The following ABHD12 variants were observed in gnomAD, a reference collection of about 807,000 sequenced individuals.
The protein encoded by ABHD12 is abhydrolase domain containing 12, lysophospholipase.
Under a neutral mutation model 58.3 loss-of-function variants are expected in ABHD12, and 43 were observed. That is an observed-to-expected ratio of 0.74 (90% CI 0.58 to 0.95). The LOEUF (loss-of-function observed/expected upper bound fraction) is 0.95, where lower values mean the gene tolerates loss of function less well. Among genes scored for constraint, ABHD12 ranks in the 40% least tolerant of loss-of-function variants. ABHD12 has a pLI of 0.00. For missense variants in ABHD12, 539 were observed against 537.2 expected (o/e 1.00, Z -0.03); for synonymous variants, 219 against 211.2 (o/e 1.04, Z -0.32).
chr20:25,327,025 T>A, intron 2 of ABHD12, among the ~76,000 whole-genome samples: 1 of 152,228 alleles, frequency 6.6e-6, no homozygotes, highest in Non-Finnish European at 1.5e-5. Context: ...TGTGTGAGTA[T>A]GCCCAGAATG....
intron 1 of ABHD12, among the ~76,000 whole-genome samples, chr20:25,365,803 A>C (rs4813561): frequency 0.57 from 86,382 of 151,938 alleles, 25,285 homozygotes; most frequent in African/African-American, 0.62. Flanking sequence ...AATCCCAGCA[A>C]TTTGAGAGGC....
At chr20:25,314,085 G>C (rs2088915831) in intron 6 of ABHD12, among the ~76,000 whole-genome samples, 1 of 151,542 alleles carries the variant, frequency 6.6e-6, no homozygotes, top group Admixed American at 6.6e-5. Context: ...CGCTTCTCCT[G>C]CCTCAGCCTC....
chr20:25,379,522 T>A (rs1466831920), intron 1 of ABHD12, among the ~76,000 whole-genome samples: 2 of 152,136 alleles, frequency 1.3e-5, no homozygotes, highest in African/African-American at 4.8e-5. Flanking sequence ...ACTCCTCTGC[T>A]CAGCCTCAGA....
chr20:25,322,381 A>ATATATATATATATATATAT, intron 3 of ABHD12, among the ~76,000 whole-genome samples: 35 of 59,264 alleles, frequency 5.9e-4, no homozygotes, highest in African/African-American at 2.5e-3. Flanking sequence ...ATATATATAT[A>ATATATATATATATATATAT]TTTTTTTTTT....
intron 2 of ABHD12, among the ~76,000 whole-genome samples, chr20:25,323,844 G>A (rs1050671041): frequency 1.3e-5 from 2 of 152,216 alleles, no homozygotes; most frequent in African/African-American, 4.8e-5. Context: ...CTGAGCCTGC[G>A]AATAACTCAG....
chr20:25,362,275 G>A (rs1184467641), intron 1 of ABHD12, among the ~76,000 whole-genome samples: 1 of 150,652 alleles, frequency 6.6e-6, no homozygotes, highest in African/African-American at 2.4e-5. Flanking sequence ...GCAAGACTCT[G>A]TCAAAAAAGA....
At chr20:25,326,840 A>G (rs1223329314) in intron 2 of ABHD12, among the ~76,000 whole-genome samples, 4 of 152,224 alleles carry the variant, frequency 2.6e-5, no homozygotes, top group Non-Finnish European at 4.4e-5. Context: ...TTTGTGGGCT[A>G]CAAGTCACCA....
At chr20:25,383,384 G>A (rs936792077) in intron 1 of ABHD12, among the ~76,000 whole-genome samples, 15 of 152,178 alleles carry the variant, frequency 9.9e-5, no homozygotes, top group African/African-American at 3.6e-4. Flanking sequence ...GATCTGGCCT[G>A]TCGGTTGGGA....
chr20:25,354,192 A>G (rs2089638687), intron 1 of ABHD12, among the ~76,000 whole-genome samples: 1 of 152,248 alleles, frequency 6.6e-6, no homozygotes, highest in Non-Finnish European at 1.5e-5. Context: ...AGTTGAATGT[A>G]GCACTAGATC....
At chr20:25,334,891 A>T (rs747170903) in intron 2 of ABHD12, among the ~76,000 whole-genome samples, 2,264 of 151,214 alleles carry the variant, frequency 0.015, 33 homozygotes, top group Middle Eastern at 0.024. Context: ...GGACATAGGC[A>T]TGGGCAAGGA....
chr20:25,296,324 C>T (rs750678813), downstream of ABHD12: 60 of 1,609,690 alleles, frequency 3.7e-5, no homozygotes, highest in Non-Finnish European at 4.9e-5. Context: ...TTTAGCAGCC[C>T]CAAGCCCTGT....
At chr20:25,302,039 AGCAGGAGAGAG>A (rs1186275754) in intron 12 of ABHD12, among the ~76,000 whole-genome samples, 169 bp downstream of exon 12, 3 of 152,170 alleles carry the variant, frequency 2.0e-5, no homozygotes, top group Admixed American at 6.5e-5. Flanking sequence ...ACAGTCCTGG[AGCAGGAGAGAG>A]GCACTCCCTC....
chr20:25,320,429 C>A, intron 3 of ABHD12, 111 bp from the exon 4 acceptor site: 1 of 1,439,412 alleles, frequency 6.9e-7, no homozygotes, highest in Non-Finnish European at 9.6e-7. Context: ...CAGGGAGCTG[C>A]AGACCCCATC....
In ABHD12 at chr20:25,390,802, C is replaced by G; in HGVS notation, c.-99G>C. 1 of 813,026 alleles carries G rather than the reference C, an allele frequency of 1.2e-6. No homozygotes were observed. Among genetic ancestry groups the G allele is most frequent in the Admixed American group, 4.8e-5 (1 of 20,844 alleles). 50.4% of individuals were successfully genotyped at this position (813,026 alleles called of 1,614,324 possible). On this transcript the variant is annotated 5_prime_UTR_variant, in exon 1 of 13. Coordinates refer to ENST00000339157, the MANE Select transcript of ABHD12 (RefSeq NM_001042472.3). ...CCACCCAGAGCCCGGAGCCCGGAAC[C>G]CGCCGCTCCTCACATCCCAGCCCAG...
intron 2 of ABHD12, among the ~76,000 whole-genome samples, chr20:25,324,413 A>G (rs1430405582): frequency 6.6e-6 from 1 of 152,208 alleles, no homozygotes; most frequent in African/African-American, 2.4e-5. Flanking sequence ...GGTGAACACA[A>G]CTTTAAAATA....
intron 1 of ABHD12, among the ~76,000 whole-genome samples, chr20:25,386,384 G>A (rs900922507): frequency 3.3e-5 from 5 of 149,806 alleles, no homozygotes; most frequent in African/African-American, 9.8e-5. Flanking sequence ...TCAGCCTCCT[G>A]AGTAGCTGGG....
exon 13 of ABHD12, chr20:25,294,993 T>A: frequency 2.5e-6 from 4 of 1,614,222 alleles, no homozygotes; most frequent in Non-Finnish European, 3.4e-6. Context: ...TCTGACCACA[T>A]GCTGGGATCT....
intron 6 of ABHD12, among the ~76,000 whole-genome samples, chr20:25,309,981 T>C (rs2088818468): frequency 6.6e-6 from 1 of 152,210 alleles, no homozygotes; most frequent in African/African-American, 2.4e-5. Context: ...CCCCACCCTC[T>C]TGGGCAGGGG....
chr20:25,386,849 C>T (rs575116387), intron 1 of ABHD12, among the ~76,000 whole-genome samples: 1 of 151,886 alleles, frequency 6.6e-6, no homozygotes, highest in Non-Finnish European at 1.5e-5. Flanking sequence ...CCACTGCACT[C>T]CAGCCTGGGC....
Sources: allele counts gnomAD v4.1 joint callset (sites outside exome capture counted in the v4.1 genomes callset), GRCh38; gene constraint gnomAD v4.1.1; transcripts MANE v1.5; gene names NCBI Gene and HGNC (gene_info 2026-07-23, HGNC 2026-07-21).